Variants in MRPL39 observed in about 807,000 individuals in gnomAD.
MRPL39 encodes large ribosomal subunit protein mL39.
In MRPL39, 35 loss-of-function variants were observed where a neutral mutation model predicts 44.5. The observed-to-expected ratio is 0.79, with a 90% CI of 0.60 to 1.04. The LOEUF (loss-of-function observed/expected upper bound fraction) is 1.04, where lower values mean the gene tolerates loss of function less well. MRPL39 is among the 50% of genes least tolerant of loss of function. The pLI is 0.00. For synonymous variants in MRPL39, 139 were observed against 136.1 expected (o/e 1.02, Z -0.15); for missense variants, 433 against 413.5 (o/e 1.05, Z -0.41).
chr21:25,598,012 T>A (rs1349413707), intron 5 of MRPL39, among the ~76,000 whole-genome samples: 1 of 152,146 alleles, frequency 6.6e-6, no homozygotes, highest in Non-Finnish European at 1.5e-5. Flanking sequence ...AAATTCTAAT[T>A]GAGCTTTCAT....
chr21:25,602,469 T>C (rs1303453613), intron 3 of MRPL39, among the ~76,000 whole-genome samples: 1 of 152,240 alleles, frequency 6.6e-6, no homozygotes, highest in Non-Finnish European at 1.5e-5. Flanking sequence ...TGATACATAA[T>C]ACATACATAC....
At chr21:25,604,618 AAGCCAATC>A (rs1304829349) in intron 2 of MRPL39, among the ~76,000 whole-genome samples, 4 of 152,342 alleles carry the variant, frequency 2.6e-5, no homozygotes, top group South Asian at 2.1e-4. Context: ...ACTCCCGGAT[AAGCCAATC>A]AGCTCTGGTC....
chr21:25,591,415 T>C (rs186243917), intron 8 of MRPL39, among the ~76,000 whole-genome samples: 85 of 152,116 alleles, frequency 5.6e-4, no homozygotes, highest in African/African-American at 2.0e-3. Flanking sequence ...ATCTGAAAAC[T>C]ACATATCTAA....
chr21:25,605,998 C>G (rs2031652944), intron 2 of MRPL39, among the ~76,000 whole-genome samples: 1 of 152,172 alleles, frequency 6.6e-6, no homozygotes. Flanking sequence ...AAGCGCCAGG[C>G]AGGACAATCT....
chr21:25,597,389 T>C lies in MRPL39; in HGVS notation c.614A>G (p.Asp205Gly), dbSNP rs1225182888. 6.3e-7 allele frequency: 1 copy of C among 1,592,416 alleles called. No individual in the cohort carries two copies. The highest frequency in any genetic ancestry group is 1.7e-5 in the Admixed American group (1 of 58,608). Residue 205 changes from aspartate (D) to glycine (G), a missense_variant, in exon 6 of 10, where the codon GAT (aspartate) becomes GGT (glycine). Transcript: ENST00000352957. ...ATCTTTATAAATTAAAGCATGAGCA[T>C]CTTTTGTGAAGGAACGTAAGTTCTC... ...TKENLRSFTK[D>G]AHALIYKDLP... is the part of the protein sequence containing the mutation.
At chr21:25,599,766 T>G in intron 5 of MRPL39, 33 bp downstream of exon 5, 1 of 1,551,960 alleles carries the variant, frequency 6.4e-7, no homozygotes, top group Non-Finnish European at 8.9e-7. Context: ...AGGCAGACAC[T>G]CTAAAATTAA....
chr21:25,586,843 G>C (rs1256406439), intron 9 of MRPL39, among the ~76,000 whole-genome samples: 3 of 152,256 alleles, frequency 2.0e-5, no homozygotes, highest in East Asian at 3.9e-4. Context: ...AGCTTGGTCT[G>C]AGTCCTCTTC....
Position 25,596,864 on chromosome 21 carries a change from G to A in MRPL39, c.701+438C>T, listed in dbSNP as rs532406540. Among the ~76,000 whole-genome samples, 9 of 152,308 alleles carry A rather than the reference G, an allele frequency of 5.9e-5. No individual in the cohort carries two copies. The East Asian group carries it at 1.5e-3, about 26-fold the overall frequency. ...CCATCAAATGAATAATTCACATGCA[G>A]AAGATTAAGACCTGGCTGTGTAAAC... On this transcript the variant is annotated intron_variant, in intron 6 of 9. Coordinates refer to ENST00000352957, the MANE Select transcript of MRPL39 (RefSeq NM_017446.4).
intron 8 of MRPL39, among the ~76,000 whole-genome samples, chr21:25,592,011 T>G (rs1252067088): frequency 2.0e-5 from 3 of 152,218 alleles, no homozygotes; most frequent in Non-Finnish European, 2.9e-5. Flanking sequence ...ATATACTCAA[T>G]GTACTCGGAT....
intron 2 of MRPL39, among the ~76,000 whole-genome samples, chr21:25,605,769 T>C (rs1410044315): frequency 1.3e-5 from 2 of 152,102 alleles, no homozygotes; most frequent in African/African-American, 2.4e-5. Flanking sequence ...CCAGGTGTGA[T>C]GGTGGGCACC....
intron 3 of MRPL39, among the ~76,000 whole-genome samples, chr21:25,602,455 T>C (rs2031549336): frequency 6.6e-6 from 1 of 152,208 alleles, no homozygotes; most frequent in African/African-American, 2.4e-5. Flanking sequence ...CCTAGAACAG[T>C]GCCTGATACA....
rs996123699 is a variant in MRPL39, at chr21:25,601,472, A to G, written c.421-5T>C. On this transcript the variant is annotated splice_polypyrimidine_tract_variant and splice_region_variant and intron_variant, in intron 3 of 9. Transcript: ENST00000352957. Reference sequence around the variant, plus strand: ...AGCACAGGAACGCCAATATGCCTAGAAAAAAAATATACATATATAAAATAT... The same window carrying G: ...AGCACAGGAACGCCAATATGCCTAGGAAAAAAATATACATATATAAAATAT... 8 of 1,540,822 alleles carry G rather than the reference A, an allele frequency of 5.2e-6. No individual in the cohort carries two copies. The highest frequency in any genetic ancestry group is 2.8e-5 in the African/African-American group (2 of 72,612).
intron 2 of MRPL39, among the ~76,000 whole-genome samples, chr21:25,606,133 T>C (rs1292911777): frequency 1.3e-5 from 2 of 152,162 alleles, no homozygotes; most frequent in East Asian, 3.9e-4. Context: ...GCCCACCACA[T>C]CTGGCTAATT....
At chr21:25,589,550 T>C (rs911505344) in intron 8 of MRPL39, among the ~76,000 whole-genome samples, 6 of 151,788 alleles carry the variant, frequency 4.0e-5, no homozygotes, top group Non-Finnish European at 8.8e-5. Flanking sequence ...CCCAAGACAA[T>C]AGTAAAATTT....
intron 5 of MRPL39, among the ~76,000 whole-genome samples, chr21:25,598,273 A>AT (rs2031418914): frequency 3.9e-5 from 6 of 151,936 alleles, no homozygotes; most frequent in African/African-American, 9.7e-5. Flanking sequence ...ATCAGCTCAC[A>AT]TATTTCTTTT....
intron 8 of MRPL39, among the ~76,000 whole-genome samples, chr21:25,592,353 ATCTC>A (rs764936454): frequency 6.6e-6 from 1 of 152,196 alleles, no homozygotes; most frequent in Non-Finnish European, 1.5e-5. Context: ...GGTACATGGG[ATCTC>A]TCTATGTCTT....
At chr21:25,606,698 T>C in intron 1 of MRPL39, 43 bp from the exon 2 acceptor site, 1 of 1,502,270 alleles carries the variant, frequency 6.7e-7, no homozygotes, top group African/African-American at 1.4e-5. Context: ...AAAAAATGAT[T>C]AACGTACTGC....
chr21:25,594,912 C>G (rs1469363356), intron 6 of MRPL39, among the ~76,000 whole-genome samples: 1 of 152,190 alleles, frequency 6.6e-6, no homozygotes, highest in Non-Finnish European at 1.5e-5. Context: ...ATACCACCAA[C>G]CACCCAGGTG....
Position 25,601,452 on chromosome 21 carries a change from A to C in MRPL39, c.436T>G (p.Cys146Gly), listed in dbSNP as rs761373912. The change falls in exon 4 of 10, where the codon TGT becomes GGT. Residue 146 changes from cysteine to glycine, a missense_variant. Cys to Gly is a radical substitution (Grantham distance 159). Transcript: ENST00000352957. ...GEVNKAYWRS[C>G]AMMMGCVIER... ...ATCACACAGCCCATCATCATAGCAC[A>C]GGAACGCCAATATGCCTAGAAAAAA... is the stretch of plus-strand genomic sequence containing the variant. 1 of 1,589,404 alleles carries C rather than the reference A, an allele frequency of 6.3e-7. No individual in the cohort carries two copies. The highest frequency in any genetic ancestry group is 8.6e-7 in the Non-Finnish European group (1 of 1,167,382).
Sources: gnomAD v4.1 joint callset for allele counts (sites outside exome capture counted in the v4.1 genomes callset) on GRCh38, gnomAD v4.1.1 for gene constraint, MANE v1.5 for transcripts, NCBI Gene and HGNC (gene_info 2026-07-23, HGNC 2026-07-21) for gene names.